NPEPPS: variants seen among roughly 807,000 people sequenced by gnomAD.
The protein encoded by NPEPPS is puromycin-sensitive aminopeptidase.
In NPEPPS, 14 loss-of-function variants were observed where a neutral mutation model predicts 115.5. That is an observed-to-expected ratio of 0.12 (90% CI 0.08 to 0.19). The LOEUF (loss-of-function observed/expected upper bound fraction) is 0.19. Ranked by LOEUF, NPEPPS falls within the 10% of genes least tolerant of loss-of-function variation. The probability of loss-of-function intolerance (pLI) is 1.00; values close to 1 mark genes in which losing one functional copy is unlikely to be tolerated. For missense variants in NPEPPS, 523 were observed against 1,110.8 expected, an observed-to-expected ratio of 0.47 and a Z score of 7.52; for synonymous variants, 285 against 390.6, an observed-to-expected ratio of 0.73 and a Z score of 3.19.
chr17:47,525,224 C>T (rs997461578), intron 1 of NPEPPS, among the ~76,000 whole-genome samples: 2 of 152,184 alleles, frequency 1.3e-5, no homozygotes, highest in Non-Finnish European at 2.9e-5. Flanking sequence ...TTATTCTTGA[C>T]TTGCTGCATT....
At chr17:47,597,034 C>G (rs1273048482) in intron 13 of NPEPPS, among the ~76,000 whole-genome samples, 1 of 140,672 alleles carries the variant, frequency 7.1e-6, no homozygotes, top group African/African-American at 2.6e-5. Context: ...GGCAACAGAG[C>G]GAGACTTCGT....
intron 9 of NPEPPS, 90 bp from the exon 10 acceptor site, chr17:47,590,627 G>C (rs2143869056): frequency 7.2e-7 from 1 of 1,389,748 alleles, no homozygotes; most frequent in Admixed American, 2.5e-5. Flanking sequence ...GTGAGTTTGG[G>C]AATATAGTGG....
rs915590937 is a variant in NPEPPS at position 47,606,793 on chromosome 17, G to A, written c.2095+1241G>A. Reference sequence around the variant, plus strand: ...AATGCCATATACTATTCTAAGAGCTGGTGAAACAGCAGCAACCCAAATATT... The same window carrying A: ...AATGCCATATACTATTCTAAGAGCTAGTGAAACAGCAGCAACCCAAATATT... On this transcript the variant is annotated intron_variant, in intron 17 of 22. Coordinates refer to ENST00000322157, the MANE Select transcript of NPEPPS (RefSeq NM_006310.4). Among the ~76,000 whole-genome samples the A allele has an allele frequency of 3.4e-5, 4 of 119,102 alleles. No homozygotes were observed. The Admixed American group carries it at 3.5e-4, about 10-fold the overall frequency. 78.1% of individuals were successfully genotyped at this position (119,102 alleles called of 152,430 possible).
chr17:47,583,793 G>A (rs1300920218), intron 5 of NPEPPS, among the ~76,000 whole-genome samples: 2 of 151,916 alleles, frequency 1.3e-5, no homozygotes, highest in Middle Eastern at 3.4e-3. Context: ...ATGGTGGCAC[G>A]TGTCTGTAAT....
chr17:47,536,540 T>C (rs1290929628), intron 1 of NPEPPS, among the ~76,000 whole-genome samples: 2 of 150,588 alleles, frequency 1.3e-5, no homozygotes, highest in African/African-American at 2.4e-5. Flanking sequence ...ATTACAGGCA[T>C]GCGTCACCAC....
intron 17 of NPEPPS, among the ~76,000 whole-genome samples, chr17:47,605,759 G>A (rs11869926): frequency 6.6e-6 from 1 of 152,200 alleles, no homozygotes; most frequent in Non-Finnish European, 1.5e-5. Context: ...TGTGTTCGAT[G>A]CTAAATATAA....
chr17:47,616,823 C>T (rs1005961761), intron 19 of NPEPPS, among the ~76,000 whole-genome samples: 44 of 147,146 alleles, frequency 3.0e-4, no homozygotes, highest in Non-Finnish European at 5.7e-4. Flanking sequence ...GTCAACACAG[C>T]GAGACCCCAT....
intron 19 of NPEPPS, among the ~76,000 whole-genome samples, chr17:47,614,307 C>G (rs1448613173): frequency 6.6e-6 from 1 of 152,144 alleles, no homozygotes; most frequent in African/African-American, 2.4e-5. Context: ...TTTTGATTAA[C>G]AAGTCACTTT....
At position 47,622,514 on chromosome 17, in the gene NPEPPS, C is replaced by T. The variant is rs1279338469; in HGVS notation, c.*594C>T. The T allele has an allele frequency of 2.1e-5, 5 of 232,684 alleles. No individual in the cohort carries two copies. Among genetic ancestry groups the T allele is most frequent in the Non-Finnish European group, 3.3e-5 (4 of 119,544 alleles). 14.4% of individuals were successfully genotyped at this position (232,684 alleles called of 1,614,324 possible). A position where few individuals can be genotyped will look rare whatever the true frequency, so the allele number is the denominator to read the frequency against. The stretch of plus-strand genomic sequence containing the variant: ...CAAGGATTGTAGTTTAGTTTTCCTC[C>T]TTGCCTTCCCTTCTGTGTGACCGAC... On this transcript the variant is annotated 3_prime_UTR_variant, in exon 23 of 23. Coordinates refer to ENST00000322157, the MANE Select transcript of NPEPPS (RefSeq NM_006310.4).
chr17:47,594,591 T>TTTATGTTATGTTATGTTATGTTATG (rs71141919), intron 12 of NPEPPS, among the ~76,000 whole-genome samples: 48 of 138,294 alleles, frequency 3.5e-4, no homozygotes, highest in East Asian at 2.4e-3. Context: ...TGTATTTTAT[T>TTTATGTTATGTTATGTTATGTTATG]TTATGTTATG....
chr17:47,602,750 C>T (rs1275354607), intron 15 of NPEPPS, among the ~76,000 whole-genome samples: 1 of 151,482 alleles, frequency 6.6e-6, no homozygotes, highest in African/African-American at 2.4e-5. Context: ...ATGTGATCCT[C>T]CCACCTCAGG....
chr17:47,529,992 A>G (rs1453854240), upstream of NPEPPS, among the ~76,000 whole-genome samples: 1 of 143,992 alleles, frequency 6.9e-6, no homozygotes, highest in Middle Eastern at 3.5e-3. Context: ...GCTGGAGTGC[A>G]GTGGCGCAAT....
intron 13 of NPEPPS, among the ~76,000 whole-genome samples, chr17:47,597,472 A>G (rs1047994040): frequency 1.3e-5 from 2 of 152,052 alleles, no homozygotes; most frequent in Admixed American, 6.6e-5. Context: ...CTTTTTTAGT[A>G]TGTGTTTTTT....
Position 47,582,684 on chromosome 17 carries a change from A to G in NPEPPS, c.541-58A>G, listed in dbSNP as rs1911958616. On this transcript the variant is annotated intron_variant, in intron 4 of 22. Transcript: ENST00000322157. ...GACAGAGGGAAATGGTGACTGCTTT[A>G]TGAAATAACTTGTTAGGTTAATTCT... 2.3e-5 allele frequency: 20 copies of G among 874,658 alleles called. No homozygotes were observed. In the South Asian group the frequency reaches 2.6e-4, roughly 11 times the overall value. 54.2% of individuals were successfully genotyped at this position (874,658 alleles called of 1,614,324 possible). A position where few individuals can be genotyped will look rare whatever the true frequency, so the allele number is the denominator to read the frequency against.
chr17:47,600,813 C>T (rs765567411), intron 14 of NPEPPS, among the ~76,000 whole-genome samples: 6 of 152,278 alleles, frequency 3.9e-5, no homozygotes, highest in Admixed American at 1.3e-4. Flanking sequence ...TCCTCTGTGA[C>T]GGAACATAAC....
At chr17:47,572,619 TATA>T (rs1251004120) in intron 3 of NPEPPS, among the ~76,000 whole-genome samples, 2 of 152,144 alleles carry the variant, frequency 1.3e-5, no homozygotes, top group East Asian at 3.9e-4. Context: ...TTATGATGGG[TATA>T]AAAAACCCAG....
chr17:47,530,351 G>GT (rs58886094), upstream of NPEPPS, among the ~76,000 whole-genome samples: 2,766 of 97,658 alleles, frequency 0.028, 111 homozygotes, highest in African/African-American at 0.066. Flanking sequence ...ATTATTAAAG[G>GT]TTTTTTTTTT....
At chr17:47,558,499 G>A (rs917693583) in intron 2 of NPEPPS, among the ~76,000 whole-genome samples, 1 of 151,958 alleles carries the variant, frequency 6.6e-6, no homozygotes, top group Admixed American at 6.6e-5. Context: ...GCTAGATCTC[G>A]GCTCACTGCA....
chr17:47,610,730 G>A (rs1282998057), intron 17 of NPEPPS, among the ~76,000 whole-genome samples: 1 of 151,176 alleles, frequency 6.6e-6, no homozygotes, highest in Non-Finnish European at 1.5e-5. Flanking sequence ...GAGGGCTCCA[G>A]TTTTCGGCTA....
Sources: allele counts gnomAD v4.1 joint callset (sites outside exome capture counted in the v4.1 genomes callset), GRCh38; gene constraint gnomAD v4.1.1; transcripts MANE v1.5; gene names NCBI Gene and HGNC (gene_info 2026-07-23, HGNC 2026-07-21).